PTPN3: variants seen among roughly 807,000 people sequenced by gnomAD.
PTPN3 encodes the protein tyrosine-protein phosphatase non-receptor type 3.
PTPN3 carries 96 observed loss-of-function variants against 132.7 expected under a neutral mutation model. The observed-to-expected ratio is 0.72, with a 90% CI of 0.61 to 0.86. The LOEUF is 0.86. PTPN3 is among the 40% of genes least tolerant of loss of function. The pLI, the probability that PTPN3 is intolerant of heterozygous loss-of-function variation, is 0.00. For missense variants in PTPN3, 1,125 were observed against 1,159.6 expected (o/e 0.97, Z 0.43); for synonymous variants, 398 against 429.0 (o/e 0.93, Z 0.89).
chr9:109,522,237 T>G, the PTPN3 span, among the ~76,000 whole-genome samples: 1 of 152,186 alleles, frequency 6.6e-6, no homozygotes, highest in Non-Finnish European at 1.5e-5. Flanking sequence ...AGGAAAGCCA[T>G]CTGGTCAAGT....
At chr9:109,502,749 T>C (rs1847876896), upstream of PTPN3, among the ~76,000 whole-genome samples, 1 of 152,192 alleles carries the variant, frequency 6.6e-6, no homozygotes, top group East Asian at 1.9e-4. Context: ...TGAGTCCTAG[T>C]TGTGCCACTG....
intron 1 of PTPN3, among the ~76,000 whole-genome samples, chr9:109,488,493 C>G (rs1051017418): frequency 6.6e-6 from 1 of 152,172 alleles, no homozygotes; most frequent in Non-Finnish European, 1.5e-5. Flanking sequence ...ATTCTAGGAA[C>G]CGGAACATTC....
In PTPN3 at chr9:109,420,466, T is replaced by A. The variant is rs1211562107; in HGVS notation, c.1271A>T (p.Asp424Val). 1.9e-6 allele frequency: 3 copies of A among 1,611,572 alleles called. No individual in the cohort carries two copies. The highest frequency in any genetic ancestry group is 2.5e-6 in the Non-Finnish European group (3 of 1,178,316). Residue 424 changes from aspartate (D) to valine (V), a missense_variant, in exon 14 of 26, where the codon GAC (aspartate) becomes GTC (valine). By Grantham distance (152) the Asp-to-Val change is radical (BLOSUM62 -3). Transcript: ENST00000374541. Reference sequence around the variant, plus strand: ...GTTCTGAGAAACTTCAGAATCGCTGTCTTGAGGGGCCAGAGAGCCCTTGTA... The same window carrying A: ...GTTCTGAGAAACTTCAGAATCGCTGACTTGAGGGGCCAGAGAGCCCTTGTA... ...YTYKGSLAPQ[D>V]SDSEVSQNRS...
At chr9:109,511,195 G>A in the PTPN3 span, among the ~76,000 whole-genome samples, 47 of 152,208 alleles carry the variant, frequency 3.1e-4, no homozygotes, top group African/African-American at 1.1e-3. Flanking sequence ...AGCTCTGCTT[G>A]CAATCCTGCT....
chr9:109,481,603 T>A (rs1846960169), intron 1 of PTPN3, among the ~76,000 whole-genome samples: 1 of 152,238 alleles, frequency 6.6e-6, no homozygotes, highest in African/African-American at 2.4e-5. Context: ...CCTTCCCTGA[T>A]CACTCCTTCT....
the PTPN3 span, among the ~76,000 whole-genome samples, chr9:109,510,341 C>T: frequency 6.6e-6 from 1 of 151,644 alleles, no homozygotes; most frequent in Non-Finnish European, 1.5e-5. Context: ...GGCAGATCAC[C>T]TGAGGTCGGG....
At chr9:109,537,268 A>G in the PTPN3 span, among the ~76,000 whole-genome samples, 2 of 152,264 alleles carry the variant, frequency 1.3e-5, no homozygotes, top group African/African-American at 2.4e-5. Flanking sequence ...CTAAAAAATT[A>G]TAGTGACTAG....
chr9:109,475,553 C>A (rs1846617508), intron 1 of PTPN3, among the ~76,000 whole-genome samples: 1 of 152,216 alleles, frequency 6.6e-6, no homozygotes, highest in South Asian at 2.1e-4. Flanking sequence ...AGGCCCCAGA[C>A]AGACTGGAAA....
chr9:109,473,677 G>A (rs1444474321), intron 1 of PTPN3, among the ~76,000 whole-genome samples: 3 of 152,090 alleles, frequency 2.0e-5, no homozygotes, highest in Non-Finnish European at 4.4e-5. Context: ...CCTTGAAGCC[G>A]GCAGAAAACT....
chr9:109,401,263 C>T (rs565950894), intron 19 of PTPN3, among the ~76,000 whole-genome samples: 30 of 152,120 alleles, frequency 2.0e-4, no homozygotes, highest in Non-Finnish European at 3.5e-4. Flanking sequence ...TGGGTCTTCA[C>T]CTCCTCTCCT....
chr9:109,487,303 G>A (rs1847257783), intron 1 of PTPN3, among the ~76,000 whole-genome samples: 1 of 152,222 alleles, frequency 6.6e-6, no homozygotes, highest in Non-Finnish European at 1.5e-5. Flanking sequence ...GTCTTAACAA[G>A]TGAGCAGTCC....
At chr9:109,445,372 CAT>C (rs780622267) in intron 6 of PTPN3, 80 bp from the exon 7 acceptor site, 83 of 1,263,410 alleles carry the variant, frequency 6.6e-5, no homozygotes, top group East Asian at 4.0e-4. Flanking sequence ...CGTAGTAACA[CAT>C]GTCTTTCTTT....
intron 12 of PTPN3, among the ~76,000 whole-genome samples, chr9:109,424,355 G>A (rs754461569): frequency 2.0e-5 from 3 of 152,168 alleles, no homozygotes; most frequent in Non-Finnish European, 4.4e-5. Context: ...GCTGAAGCTG[G>A]CACAGGTAGT....
At chr9:109,456,767 T>C (rs917080428) in intron 4 of PTPN3, among the ~76,000 whole-genome samples, 1 of 152,224 alleles carries the variant, frequency 6.6e-6, no homozygotes, top group African/African-American at 2.4e-5. Context: ...TACCTACTTA[T>C]GGTTCGGTTT....
chr9:109,413,418 A>C (rs1842232002), intron 14 of PTPN3, among the ~76,000 whole-genome samples: 1 of 152,214 alleles, frequency 6.6e-6, no homozygotes, highest in Non-Finnish European at 1.5e-5. Flanking sequence ...GGAAGAGGAC[A>C]TCAAATGAGG....
chr9:109,427,157 A>ACGT (rs1258354026), intron 11 of PTPN3, 35 bp from the exon 12 acceptor site: 2 of 1,604,420 alleles, frequency 1.2e-6, no homozygotes, highest in African/African-American at 2.7e-5. Flanking sequence ...TCACCCACAC[A>ACGT]GACATAGGAG....
chr9:109,442,596 G>A (rs2131961007), intron 7 of PTPN3, among the ~76,000 whole-genome samples: 1 of 152,252 alleles, frequency 6.6e-6, no homozygotes, highest in South Asian at 2.1e-4. Flanking sequence ...TTCTTTATTT[G>A]CTTTTTAAAT....
rs1339627093 is a variant in PTPN3, at chr9:109,409,637, T to C, written c.1578+362A>G. ...GTGTTTGAGACCAGCTTGGACAACATGGTGAAACCCCATCTCTACAAAAAA... is the reference window on the plus strand; with the variant it reads ...GTGTTTGAGACCAGCTTGGACAACACGGTGAAACCCCATCTCTACAAAAAA... On this transcript the variant is annotated intron_variant, in intron 16 of 25. Coordinates refer to ENST00000374541, the MANE Select transcript of PTPN3 (RefSeq NM_002829.4). Among the ~76,000 whole-genome samples the C allele has an allele frequency of 2.0e-5, 3 of 152,132 alleles. No homozygotes were observed. The East Asian group carries it at 5.8e-4, about 29-fold the overall frequency.
the PTPN3 span, among the ~76,000 whole-genome samples, chr9:109,525,757 C>T: frequency 6.6e-6 from 1 of 152,128 alleles, no homozygotes; most frequent in South Asian, 2.1e-4. Context: ...TGCAGAAGGG[C>T]ACTAGGAGAA....
Sources: allele counts gnomAD v4.1 joint callset (sites outside exome capture counted in the v4.1 genomes callset), GRCh38; gene constraint gnomAD v4.1.1; transcripts MANE v1.5; gene names NCBI Gene and HGNC (gene_info 2026-07-23, HGNC 2026-07-21).